Variants in DMD observed in about 807,000 individuals in gnomAD.
DMD encodes the protein dystrophin.
In DMD, 63 loss-of-function variants were observed where a neutral mutation model predicts 330.1. That is an observed-to-expected ratio of 0.19 (90% CI 0.16 to 0.24). The LOEUF (loss-of-function observed/expected upper bound fraction) is 0.24, where lower values mean the gene tolerates loss of function less well. Ranked by LOEUF, DMD falls within the 10% of genes least tolerant of loss-of-function variation. DMD has a pLI of 1.00. For synonymous variants in DMD, 1,223 were observed against 959.8 expected (o/e 1.27, Z -5.07); for missense variants, 3,344 against 2,684.1 (o/e 1.25, Z -5.43).
At chrX:33,160,748 C>T (rs1219141861) in intron 1 of DMD, among the ~76,000 whole-genome samples, 2 of 111,416 alleles carry the variant, frequency 1.8e-5, no homozygotes, top group Admixed American at 9.6e-5. Context: ...GTAGATATCA[C>T]GTGTTTACTA....
At chrX:31,644,966 T>C (rs1057489059) in intron 54 of DMD, among the ~76,000 whole-genome samples, 1 of 111,808 alleles carries the variant, frequency 8.9e-6, no homozygotes, top group Non-Finnish European at 1.9e-5. Context: ...ACCTAGCAAC[T>C]AGGCTAAAAG....
chrX:32,445,944 G>A (rs1187657654), intron 27 of DMD, among the ~76,000 whole-genome samples: 1 of 110,770 alleles, frequency 9.0e-6, no homozygotes, highest in Non-Finnish European at 1.9e-5. Context: ...GATAAATTAC[G>A]CCACAGGCAG....
intron 11 of DMD, among the ~76,000 whole-genome samples, chrX:32,627,408 G>C (rs1253378543): frequency 9.6e-6 from 1 of 104,606 alleles, no homozygotes; most frequent in South Asian, 3.8e-4. Context: ...ACTTACTAAA[G>C]AGTAATTTTG....
Position 31,323,651 on chromosome X carries a change from G to A in DMD, c.9171C>T (p.Val3057=), listed in dbSNP as rs2148297447. The stretch of plus-strand genomic sequence containing the variant: ...AGATGGCTCTCTCCCAGGGACCCTG[G>A]ACAGACGCTGAAAAGAAGGGAGGAA... ...PASQHFLSTS[V]QGPWERAISP... The change falls in exon 62 of 79, where the codon GTC becomes GTT. Residue 3057 remains valine, a synonymous_variant. Coordinates refer to ENST00000357033, the MANE Select transcript of DMD (RefSeq NM_004006.3). The A allele has an allele frequency of 2.5e-6, 3 of 1,209,220 alleles. No individual in the cohort carries two copies. Among genetic ancestry groups the A allele is most frequent in the Non-Finnish European group, 3.4e-6 (3 of 893,754 alleles).
chrX:31,162,356 T>TAAAAAAAAAAAAAAAAAAAAAAA (rs57908991), intron 74 of DMD, among the ~76,000 whole-genome samples: 15 of 50,621 alleles, frequency 3.0e-4, no homozygotes, highest in African/African-American at 9.9e-4. Context: ...ATGAAAAATC[T>TAAAAAAAAAAAAAAAAAAAAAAA]AAAAAAAAAA....
intron 60 of DMD, among the ~76,000 whole-genome samples, chrX:31,391,713 A>G (rs892377842): frequency 2.7e-5 from 3 of 109,750 alleles, no homozygotes; most frequent in Non-Finnish European, 5.7e-5. Flanking sequence ...TCTCCTAAAA[A>G]TACAAAAATT....
At chrX:31,342,612 T>C (rs2057835691) in intron 61 of DMD, among the ~76,000 whole-genome samples, 1 of 111,864 alleles carries the variant, frequency 8.9e-6, no homozygotes, top group African/African-American at 3.3e-5. Flanking sequence ...GAAAATATTC[T>C]TTTAAGGGAC....
rs769665793 is a variant in DMD, at chrX:31,926,739, C to T, written c.6912+2857G>A. 4.5e-5 allele frequency among the ~76,000 whole-genome samples: 5 copies of T among 110,871 alleles called. No individual in the cohort carries two copies. The East Asian group carries it at 8.5e-4, about 19-fold the overall frequency. ...GAGTAAGGGGTCAGTTGGCTCAATA[C>T]GCAGAATGCAGCATATTAGAGTTAG... On this transcript the variant is annotated intron_variant, in intron 47 of 78. Coordinates refer to ENST00000357033, the MANE Select transcript of DMD (RefSeq NM_004006.3).
At chrX:32,866,716 CT>C (rs753731804) in intron 2 of DMD, among the ~76,000 whole-genome samples, 1,051 of 37,387 alleles carry the variant, frequency 0.028, 38 homozygotes, top group African/African-American at 0.091. Context: ...CATACACACA[CT>C]TTTTTTTGGG....
intron 76 of DMD, among the ~76,000 whole-genome samples, chrX:31,138,636 A>G (rs1268827570): frequency 7.7e-3 from 22 of 2,870 alleles, no homozygotes; most frequent in African/African-American, 0.019. Flanking sequence ...AGAGAGAGAG[A>G]GAGAGAGAGA....
intron 43 of DMD, among the ~76,000 whole-genome samples, chrX:32,225,512 A>C (rs771064311): frequency 9.0e-5 from 10 of 111,592 alleles, no homozygotes; most frequent in Non-Finnish European, 1.9e-4. Flanking sequence ...TTATTTTCCC[A>C]TGCAAGTCTT....
intron 44 of DMD, among the ~76,000 whole-genome samples, chrX:32,181,915 T>G (rs1469427739): frequency 8.9e-6 from 1 of 112,301 alleles, no homozygotes; most frequent in Non-Finnish European, 1.9e-5. Flanking sequence ...GAATTGCAAT[T>G]ATACATTTCT....
At chrX:31,678,698 C>G (rs2082215065) in intron 53 of DMD, among the ~76,000 whole-genome samples, 1 of 110,933 alleles carries the variant, frequency 9.0e-6, no homozygotes, top group Non-Finnish European at 1.9e-5. Flanking sequence ...CCACTCACCC[C>G]CATTTCTTGA....
At chrX:33,135,780 CTTATA>C (rs935055435) in intron 1 of DMD, among the ~76,000 whole-genome samples, 4 of 111,568 alleles carry the variant, frequency 3.6e-5, no homozygotes, top group East Asian at 5.6e-4. Context: ...AATAACAGTA[CTTATA>C]TTATAAAATT....
intron 44 of DMD, among the ~76,000 whole-genome samples, chrX:32,122,204 G>C (rs1024932457): frequency 9.0e-6 from 1 of 111,721 alleles, no homozygotes; most frequent in Admixed American, 9.5e-5. Context: ...TTCCTATAGC[G>C]TAGCTAAAGC....
At chrX:31,516,183 T>TTGTA (rs1333043547) in intron 55 of DMD, among the ~76,000 whole-genome samples, 3 of 110,417 alleles carry the variant, frequency 2.7e-5, no homozygotes, top group African/African-American at 9.9e-5. Context: ...GGCTTAAATT[T>TTGTA]TGTATGTCTG....
At chrX:31,173,665 C>T (rs1366310873) in intron 71 of DMD, 61 bp from the exon 72 acceptor site, 6 of 1,035,185 alleles carry the variant, frequency 5.8e-6, no homozygotes, top group Non-Finnish European at 5.4e-6. Flanking sequence ...AAAAACCCAC[C>T]ACACAGTTAT....
At chrX:33,081,019 T>C (rs112598010) in intron 1 of DMD, among the ~76,000 whole-genome samples, 3,546 of 94,415 alleles carry the variant, frequency 0.038, 147 homozygotes, top group African/African-American at 0.15. Context: ...AAAACACATG[T>C]AAATACAGAC....
At chrX:32,731,040 C>G (rs7061357) in intron 7 of DMD, among the ~76,000 whole-genome samples, 5,582 of 111,270 alleles carry the variant, frequency 0.05, 288 homozygotes, top group East Asian at 0.15. Context: ...GTGGGCGCAG[C>G]TCAGTGGGTG....
Sources: gnomAD v4.1 joint callset for allele counts (sites outside exome capture counted in the v4.1 genomes callset) on GRCh38, gnomAD v4.1.1 for gene constraint, MANE v1.5 for transcripts, NCBI Gene and HGNC (gene_info 2026-07-23, HGNC 2026-07-21) for gene names.